Variants in GDF7 observed in about 807,000 individuals in gnomAD.
The protein encoded by GDF7 is growth/differentiation factor 7.
A neutral mutation model predicts 13.4 loss-of-function variants in GDF7; 12 were observed. The observed-to-expected ratio is 0.90, with a 90% CI of 0.57 to 1.45. The LOEUF is 1.45. Among genes scored for constraint, GDF7 ranks in the 40% most tolerant of loss-of-function variants. The pLI, the probability that GDF7 is intolerant of heterozygous loss-of-function variation, is 0.00. For synonymous variants in GDF7, 330 were observed against 306.4 expected (o/e 1.08, Z -0.80); for missense variants, 651 against 652.4 (o/e 1.00, Z 0.02).
At position 20,667,496 on chromosome 2, in the gene GDF7, T is replaced by C. The variant is rs1421052286; in HGVS notation, c.257T>C (p.Val86Ala). The change falls in exon 1 of 2, where the codon GTG becomes GCG. Residue 86 changes from valine to alanine, a missense_variant. Physicochemically the swap from Val to Ala is moderately conservative, Grantham distance 64 (BLOSUM62 0). This residue lies in a region of GDF7 where 487 missense variants were observed against 445.9 expected (regional missense o/e 1.09). Transcript: ENST00000272224. The surrounding 1 kb of genome is among the most constrained non-coding windows in gnomAD (Gnocchi z 6.4). ...GGCTCCGGCTTCAGGAACGGCTCGGTGGTGCCGCACCACTTCATGATGTCG... is the reference window on the plus strand; with the variant it reads ...GGCTCCGGCTTCAGGAACGGCTCGGCGGTGCCGCACCACTTCATGATGTCG... ...AAGSGFRNGS[V>A]VPHHFMMSLY... 1 of 1,324,524 alleles carries C rather than the reference T, an allele frequency of 7.5e-7. No individual in the cohort carries two copies. Among genetic ancestry groups the C allele is most frequent in the South Asian group, 2.0e-5 (1 of 49,340 alleles). The allele number at this position is 1,324,524 out of a possible 1,614,324, so 82.0% of individuals were successfully genotyped here.
In GDF7 at chr2:20,667,639, G is replaced by A. The variant is rs753584702; in HGVS notation, c.391+9G>A. On this transcript the variant is annotated intron_variant, in intron 1 of 1. Coordinates refer to ENST00000272224, the MANE Select transcript of GDF7 (RefSeq NM_182828.4). This position sits in a 1 kb window ranked among gnomAD's most constrained non-coding sequence, Gnocchi z 6.4. ...AGACCAGGCGACCCAAGGTACTTACGCCTCTTCTGTGCCCGCCCATCCCGT... is the reference window on the plus strand; with the variant it reads ...AGACCAGGCGACCCAAGGTACTTACACCTCTTCTGTGCCCGCCCATCCCGT... 2.8e-6 allele frequency: 4 copies of A among 1,447,170 alleles called. No individual in the cohort carries two copies. In the South Asian group the frequency reaches 5.6e-5, roughly 20 times the overall value. The allele number at this position is 1,447,170 out of a possible 1,614,324, so 89.6% of individuals were successfully genotyped here. A position where few individuals can be genotyped will look rare whatever the true frequency, so the allele number is the denominator to read the frequency against.
rs1169181230 is a variant in GDF7 at position 20,677,917 on chromosome 2, T to C, written c.*6492T>C. ...TTTTTATCTCTGAGTGACTGAGGGC[T>C]GCCAAGGCCAGACAACGCACATGTG... On this transcript the variant is annotated 3_prime_UTR_variant, in exon 2 of 2. Transcript: ENST00000272224. 6.6e-6 allele frequency: 1 copy of C among 152,380 alleles called. No homozygotes were observed. The highest frequency in any genetic ancestry group is 1.5e-5 in the Non-Finnish European group (1 of 68,196). 9.4% of individuals were successfully genotyped at this position (152,380 alleles called of 1,614,324 possible).
In GDF7 at chr2:20,667,335, G is replaced by A. The variant is rs1572378178; in HGVS notation, c.96G>A (p.Ala32=). 9.5e-7 allele frequency: 1 copy of A among 1,051,476 alleles called. No individual in the cohort carries two copies. The highest frequency in any genetic ancestry group is 1.1e-6 in the Non-Finnish European group (1 of 876,800). 65.1% of individuals were successfully genotyped at this position (1,051,476 alleles called of 1,614,324 possible). Residue 32 remains alanine, a synonymous_variant, in exon 1 of 2, where the codon GCG becomes GCA. Transcript: ENST00000272224. The surrounding 1 kb of genome is among the most constrained non-coding windows in gnomAD (Gnocchi z 6.4). ...GLEAAAVLRA[A]GAGPVRSPGG... ...AAGCGGCCGCCGTGCTGCGAGCGGC[G>A]GGGGCTGGGCCGGTCCGGAGCCCAG...
At position 20,678,898 on chromosome 2, in the gene GDF7, C is replaced by A. The variant is rs760288207; in HGVS notation, c.*7473C>A. 5 of 152,198 alleles carry A rather than the reference C, an allele frequency of 3.3e-5. 1 individual carries two copies. The highest frequency in any genetic ancestry group is 1.3e-4 in the Admixed American group (2 of 15,282). The allele number at this position is 152,198 out of a possible 1,614,324, so 9.4% of individuals were successfully genotyped here. On this transcript the variant is annotated 3_prime_UTR_variant, in exon 2 of 2. Coordinates refer to ENST00000272224, the MANE Select transcript of GDF7 (RefSeq NM_182828.4). The stretch of plus-strand genomic sequence containing the variant: ...ATCTCCTTCATCAGCAGTCTTCCTG[C>A]TGGTGTAGCCACAGCAGAACTCCGA...
rs1245193902 is a variant in GDF7, at chr2:20,671,514, A to C, written c.*89A>C. 7.3e-7 allele frequency: 1 copy of C among 1,373,884 alleles called. No homozygotes were observed. The highest frequency in any genetic ancestry group is 1.4e-5 in the African/African-American group (1 of 69,834). 85.1% of individuals were successfully genotyped at this position (1,373,884 alleles called of 1,614,324 possible). A position where few individuals can be genotyped will look rare whatever the true frequency, so the allele number is the denominator to read the frequency against. The stretch of plus-strand genomic sequence containing the variant: ...CCACCCTGTCACCGAGCGTGGGTGC[A>C]TGTCCGATGTGACCCAGCACCCTCT... On this transcript the variant is annotated 3_prime_UTR_variant, in exon 2 of 2. Coordinates refer to ENST00000272224, the MANE Select transcript of GDF7 (RefSeq NM_182828.4).
Position 20,667,222 on chromosome 2 carries a change from G to T in GDF7, c.-18G>T. On this transcript the variant is annotated 5_prime_UTR_variant, in exon 1 of 2. Coordinates refer to ENST00000272224, the MANE Select transcript of GDF7 (RefSeq NM_182828.4). The surrounding 1 kb of genome is among the most constrained non-coding windows in gnomAD (Gnocchi z 6.4). ...GCCACGGAGCCCGCGCCGCCCGCCC[G>T]CCCGGCCCACGGAGCCCATGGACCT... 2 of 780,780 alleles carry T rather than the reference G, an allele frequency of 2.6e-6. No individual in the cohort carries two copies. The highest frequency in any genetic ancestry group is 3.3e-6 in the Non-Finnish European group (2 of 598,504). 48.4% of individuals were successfully genotyped at this position (780,780 alleles called of 1,614,324 possible). A position where few individuals can be genotyped will look rare whatever the true frequency, so the allele number is the denominator to read the frequency against.
Position 20,671,094 on chromosome 2 carries a change from A to G in GDF7, c.1022A>G (p.His341Arg). 1 of 1,553,340 alleles carries G rather than the reference A, an allele frequency of 6.4e-7. No individual in the cohort carries two copies. The highest frequency in any genetic ancestry group is 8.7e-7 in the Non-Finnish European group (1 of 1,151,910). Residue 341 changes from histidine to arginine, a missense_variant, in exon 2 of 2, where the codon CAC (histidine) becomes CGC (arginine). Coordinates refer to ENST00000272224, the MANE Select transcript of GDF7 (RefSeq NM_182828.4). ...QGSGGGAGRG[H>R]GRRGRSRCSR... ...AGCGGCGGGGGCGCGGGCCGGGGCCACGGGCGCAGGGGCCGGAGCCGCTGC... is the reference window on the plus strand; with the variant it reads ...AGCGGCGGGGGCGCGGGCCGGGGCCGCGGGCGCAGGGGCCGGAGCCGCTGC...
In GDF7 at chr2:20,677,346, A is replaced by G. The variant is rs1315006153; in HGVS notation, c.*5921A>G. Reference sequence around the variant, plus strand: ...CAGAGTGGTCCAGAGCGGCCAGGGCACGGCCAGCTGCTTTGCATCTGCATT... The same window carrying G: ...CAGAGTGGTCCAGAGCGGCCAGGGCGCGGCCAGCTGCTTTGCATCTGCATT... On this transcript the variant is annotated 3_prime_UTR_variant, in exon 2 of 2. Coordinates refer to ENST00000272224, the MANE Select transcript of GDF7 (RefSeq NM_182828.4). 1 of 152,236 alleles carries G rather than the reference A, an allele frequency of 6.6e-6. No homozygotes were observed. The highest frequency in any genetic ancestry group is 1.5e-5 in the Non-Finnish European group (1 of 68,054). 9.4% of individuals were successfully genotyped at this position (152,236 alleles called of 1,614,324 possible). A position where few individuals can be genotyped will look rare whatever the true frequency, so the allele number is the denominator to read the frequency against.
Position 20,667,326 on chromosome 2 carries a change from G to A in GDF7, c.87G>A (p.Leu29=). 9.3e-7 allele frequency: 1 copy of A among 1,080,084 alleles called. No individual in the cohort carries two copies. 66.9% of individuals were successfully genotyped at this position (1,080,084 alleles called of 1,614,324 possible). ...ACGGGCTGGAAGCGGCCGCCGTGCT[G>A]CGAGCGGCGGGGGCTGGGCCGGTCC... The part of the protein sequence containing the change: ...PRDGLEAAAV[L]RAAGAGPVRS... The change falls in exon 1 of 2, where the codon CTG becomes CTA. Residue 29 remains leucine, a synonymous_variant. Coordinates refer to ENST00000272224, the MANE Select transcript of GDF7 (RefSeq NM_182828.4). The surrounding 1 kb of genome is among the most constrained non-coding windows in gnomAD (Gnocchi z 6.4).
chr2:20,673,206 A>AAC lies in GDF7; in HGVS notation c.*1782_*1783insCA, dbSNP rs1213443648. ...TCCTGTAAAATTCTCCCAAAAGAAA[A>AAC]AAAAATACACGTGTAAATTACTCTT... is the stretch of plus-strand genomic sequence containing the variant. On this transcript the variant is annotated 3_prime_UTR_variant, in exon 2 of 2. Transcript: ENST00000272224. 1 of 151,816 alleles carries AAC rather than the reference A, an allele frequency of 6.6e-6. No individual in the cohort carries two copies. Among genetic ancestry groups the AAC allele is most frequent in the Non-Finnish European group, 1.5e-5 (1 of 67,976 alleles). The allele number at this position is 151,816 out of a possible 1,614,324, so 9.4% of individuals were successfully genotyped here.
rs1409981028 is a variant in GDF7 at position 20,678,190 on chromosome 2, G to C, written c.*6765G>C. 1 of 152,254 alleles carries C rather than the reference G, an allele frequency of 6.6e-6. No individual in the cohort carries two copies. The highest frequency in any genetic ancestry group is 1.5e-5 in the Non-Finnish European group (1 of 68,058). The allele number at this position is 152,254 out of a possible 1,614,324, so 9.4% of individuals were successfully genotyped here. On this transcript the variant is annotated 3_prime_UTR_variant, in exon 2 of 2. Transcript: ENST00000272224. ...TCAAGTGTTCTAAGCCAGGAACAGA[G>C]ACTCTCAAGAGAGGAATTCTCTGGC...
rs1430210823 is a variant in GDF7 at position 20,678,556 on chromosome 2, A to G, written c.*7131A>G. 1 of 152,362 alleles carries G rather than the reference A, an allele frequency of 6.6e-6. No individual in the cohort carries two copies. The highest frequency in any genetic ancestry group is 6.5e-5 in the Admixed American group (1 of 15,304). The allele number at this position is 152,362 out of a possible 1,614,324, so 9.4% of individuals were successfully genotyped here. On this transcript the variant is annotated 3_prime_UTR_variant, in exon 2 of 2. Transcript: ENST00000272224. ...TTGCAGAGCTCCCGTACCAGCTTAT[A>G]AAATGCGGCTGTTTAAGCAGGACTT...
chr2:20,667,663 G>C lies in GDF7; in HGVS notation c.391+33G>C. The C allele has an allele frequency of 7.3e-7, 1 of 1,367,580 alleles. No individual in the cohort carries two copies. The highest frequency in any genetic ancestry group is 1.7e-5 in the South Asian group (1 of 57,866). 84.7% of individuals were successfully genotyped at this position (1,367,580 alleles called of 1,614,324 possible). ...CGCCTCTTCTGTGCCCGCCCATCCC[G>C]TCAGGTCCTGGGCTGAGACCAGCCC... On this transcript the variant is annotated intron_variant, in intron 1 of 1. Coordinates refer to ENST00000272224, the MANE Select transcript of GDF7 (RefSeq NM_182828.4). The surrounding 1 kb of genome is among the most constrained non-coding windows in gnomAD (Gnocchi z 6.4).
Position 20,671,677 on chromosome 2 carries a change from CAG to C in GDF7, c.*254_*255del, listed in dbSNP as rs564839469. The C allele has an allele frequency of 9.9e-6, 5 of 505,690 alleles. No homozygotes were observed. Among genetic ancestry groups the C allele is most frequent in the South Asian group, 9.4e-5 (4 of 42,342 alleles). 31.3% of individuals were successfully genotyped at this position (505,690 alleles called of 1,614,324 possible). A position where few individuals can be genotyped will look rare whatever the true frequency, so the allele number is the denominator to read the frequency against. Reference sequence around the variant, plus strand: ...GTCAAAGCCCTGTGTATTTTGCAAACAGATAACCATGGCGCCCACTGCCCCCA... The same window carrying C: ...GTCAAAGCCCTGTGTATTTTGCAAACATAACCATGGCGCCCACTGCCCCCA... On this transcript the variant is annotated 3_prime_UTR_variant, in exon 2 of 2. Transcript: ENST00000272224.
rs2149312787 is a variant in GDF7 at position 20,676,803 on chromosome 2, T to C, written c.*5378T>C. ...CAGAGCAACCCAGGATGGGTGGTCA[T>C]TGAAAAATGGGTGTGAAGTCACTGA... is the stretch of plus-strand genomic sequence containing the variant. On this transcript the variant is annotated 3_prime_UTR_variant, in exon 2 of 2. Transcript: ENST00000272224. The C allele has an allele frequency of 6.6e-6, 1 of 152,336 alleles. No homozygotes were observed. The highest frequency in any genetic ancestry group is 2.4e-5 in the African/African-American group (1 of 41,576). 9.4% of individuals were successfully genotyped at this position (152,336 alleles called of 1,614,324 possible).
chr2:20,667,236 G>A lies in GDF7; in HGVS notation c.-4G>A. ...GCCGCCCGCCCGCCCGGCCCACGGA[G>A]CCCATGGACCTGAGCGCCGCCGCCG... On this transcript the variant is annotated 5_prime_UTR_variant, in exon 1 of 2. Coordinates refer to ENST00000272224, the MANE Select transcript of GDF7 (RefSeq NM_182828.4). This position sits in a 1 kb window ranked among gnomAD's most constrained non-coding sequence, Gnocchi z 6.4. 8.3e-7 allele frequency: 1 copy of A among 1,206,188 alleles called. No individual in the cohort carries two copies. The highest frequency in any genetic ancestry group is 1.0e-6 in the Non-Finnish European group (1 of 968,860). 74.7% of individuals were successfully genotyped at this position (1,206,188 alleles called of 1,614,324 possible). A position where few individuals can be genotyped will look rare whatever the true frequency, so the allele number is the denominator to read the frequency against.
Position 20,671,513 on chromosome 2 carries a change from C to A in GDF7, c.*88C>A, listed in dbSNP as rs1662127166. 4 of 1,394,676 alleles carry A rather than the reference C, an allele frequency of 2.9e-6. No individual in the cohort carries two copies. Among genetic ancestry groups the A allele is most frequent in the East Asian group, 4.9e-5 (2 of 40,964 alleles). 86.4% of individuals were successfully genotyped at this position (1,394,676 alleles called of 1,614,324 possible). On this transcript the variant is annotated 3_prime_UTR_variant, in exon 2 of 2. Transcript: ENST00000272224. ...GCCACCCTGTCACCGAGCGTGGGTG[C>A]ATGTCCGATGTGACCCAGCACCCTC... is the stretch of plus-strand genomic sequence containing the variant.
chr2:20,674,276 G>A lies in GDF7; in HGVS notation c.*2851G>A, dbSNP rs141299496. 6.6e-6 allele frequency: 1 copy of A among 152,338 alleles called. No individual in the cohort carries two copies. The highest frequency in any genetic ancestry group is 6.5e-5 in the Admixed American group (1 of 15,304). 9.4% of individuals were successfully genotyped at this position (152,338 alleles called of 1,614,324 possible). On this transcript the variant is annotated 3_prime_UTR_variant, in exon 2 of 2. Transcript: ENST00000272224. Reference sequence around the variant, plus strand: ...CAGGGAGAAAGCATGTCAAGACTGTGAGGAAAGGCTGTCCCCTCAACCCCA... The same window carrying A: ...CAGGGAGAAAGCATGTCAAGACTGTAAGGAAAGGCTGTCCCCTCAACCCCA...
intron 1 of GDF7, 38 bp from the exon 2 acceptor site, chr2:20,670,426 C>G: frequency 6.7e-7 from 1 of 1,485,542 alleles, no homozygotes; most frequent in Non-Finnish European, 8.9e-7. Context: ...TTTGCTCTTA[C>G]ACAGCTCTTT....
Sources: allele counts gnomAD v4.1 joint callset, GRCh38; gene constraint gnomAD v4.1.1; regional missense constraint gnomAD v4.1.1; non-coding constraint Gnocchi (gnomAD v3.1); transcripts MANE v1.5; gene names NCBI Gene and HGNC (gene_info 2026-07-23, HGNC 2026-07-21).